SLC24A2: variants seen among roughly 807,000 people sequenced by gnomAD.
SLC24A2 encodes the protein sodium/potassium/calcium exchanger 2.
Under a neutral mutation model 62.0 loss-of-function variants are expected in SLC24A2, and 36 were observed. The ratio of observed to expected loss-of-function variants is 0.58; its 90% CI spans 0.44 to 0.77. The LOEUF is 0.77. Ranked by LOEUF, SLC24A2 falls within the 30% of genes least tolerant of loss-of-function variation. The probability of loss-of-function intolerance (pLI) is 0.00; values close to 1 mark genes in which losing one functional copy is unlikely to be tolerated. For synonymous variants in SLC24A2, 358 were observed against 294.0 expected (o/e 1.22, Z -2.23); for missense variants, 846 against 817.9 (o/e 1.03, Z -0.42).
At chr9:19,851,103 A>G in the SLC24A2 span, among the ~76,000 whole-genome samples, 1 of 142,016 alleles carries the variant, frequency 7.0e-6, no homozygotes, top group Admixed American at 7.1e-5. Context: ...GGCTCACCAC[A>G]ATCTCTATCT....
the SLC24A2 span, among the ~76,000 whole-genome samples, chr9:20,248,603 A>T: frequency 6.6e-6 from 1 of 152,232 alleles, no homozygotes; most frequent in East Asian, 1.9e-4. Context: ...TCATGACCTG[A>T]TTACCCACCA....
chr9:20,295,026 G>A, the SLC24A2 span, among the ~76,000 whole-genome samples: 2 of 142,906 alleles, frequency 1.4e-5, no homozygotes, highest in Non-Finnish European at 3.1e-5. Context: ...CTGTGCATAT[G>A]TGTATATATG....
the SLC24A2 span, among the ~76,000 whole-genome samples, chr9:20,120,025 C>T: frequency 0.11 from 16,594 of 152,136 alleles, 945 homozygotes; most frequent in Middle Eastern, 0.17. Flanking sequence ...ATCTGTTCCC[C>T]TGACTACTCC....
At chr9:19,625,257 G>A (rs182616951) in intron 2 of SLC24A2, among the ~76,000 whole-genome samples, 1 of 151,942 alleles carries the variant, frequency 6.6e-6, no homozygotes, top group Non-Finnish European at 1.5e-5. Context: ...CCCAATTCCT[G>A]GTAGTCAGCA....
At chr9:19,858,839 C>A in the SLC24A2 span, among the ~76,000 whole-genome samples, 1 of 152,100 alleles carries the variant, frequency 6.6e-6, no homozygotes, top group Non-Finnish European at 1.5e-5. Flanking sequence ...ATTAAAAAGT[C>A]AAAAAATAGC....
chr9:19,908,436 A>T, the SLC24A2 span, among the ~76,000 whole-genome samples: 2 of 152,158 alleles, frequency 1.3e-5, no homozygotes, highest in South Asian at 2.1e-4. Flanking sequence ...CAAGGACTTC[A>T]TGTCTAAAAC....
chr9:20,304,645 G>A, the SLC24A2 span, among the ~76,000 whole-genome samples: 1 of 152,114 alleles, frequency 6.6e-6, no homozygotes, highest in East Asian at 1.9e-4. Flanking sequence ...TATTCTTATA[G>A]GTAAATTACT....
chr9:20,178,642 G>A, the SLC24A2 span, among the ~76,000 whole-genome samples: 1 of 152,086 alleles, frequency 6.6e-6, no homozygotes, highest in Non-Finnish European at 1.5e-5. Context: ...TGATAAGGAG[G>A]AATAGACTTA....
chr9:19,869,630 C>T, the SLC24A2 span, among the ~76,000 whole-genome samples: 1 of 152,118 alleles, frequency 6.6e-6, no homozygotes, highest in South Asian at 2.1e-4. Context: ...TTATGATAAT[C>T]TATTTCAGAA....
chr9:19,690,804 C>A (rs762282102), intron 2 of SLC24A2, among the ~76,000 whole-genome samples: 3 of 151,948 alleles, frequency 2.0e-5, no homozygotes, highest in Non-Finnish European at 4.4e-5. Context: ...TAGATTACAC[C>A]TGATGCTGAA....
At chr9:19,687,661 T>G (rs1018830038) in intron 2 of SLC24A2, among the ~76,000 whole-genome samples, 2 of 152,122 alleles carry the variant, frequency 1.3e-5, no homozygotes, top group African/African-American at 4.8e-5. Context: ...GTTTTACCTT[T>G]ACACTTGACT....
chr9:19,684,684 G>T (rs75858818), intron 2 of SLC24A2, among the ~76,000 whole-genome samples: 2 of 149,708 alleles, frequency 1.3e-5, no homozygotes, highest in Admixed American at 6.8e-5. Flanking sequence ...AAGAAAGTAG[G>T]TATATAAGAA....
At chr9:20,226,702 C>A in the SLC24A2 span, among the ~76,000 whole-genome samples, 1 of 151,964 alleles carries the variant, frequency 6.6e-6, no homozygotes, top group Non-Finnish European at 1.5e-5. Context: ...ATATTCCTGT[C>A]TCGTCATCTA....
chr9:19,911,335 G>T, the SLC24A2 span, among the ~76,000 whole-genome samples: 4 of 151,976 alleles, frequency 2.6e-5, no homozygotes, highest in Non-Finnish European at 5.9e-5. Flanking sequence ...CATTTGGGTT[G>T]GTTCCAAGTC....
the SLC24A2 span, among the ~76,000 whole-genome samples, chr9:20,056,465 C>T: frequency 6.6e-6 from 1 of 152,156 alleles, no homozygotes; most frequent in African/African-American, 2.4e-5. Context: ...TGTGAATGAC[C>T]AACAAATGTT....
the SLC24A2 span, among the ~76,000 whole-genome samples, chr9:20,157,434 G>A: frequency 6.6e-6 from 1 of 151,702 alleles, no homozygotes; most frequent in Non-Finnish European, 1.5e-5. Context: ...ATGAAAAACA[G>A]GGGAATTGAA....
chr9:19,627,260 A>C (rs1818057398), intron 2 of SLC24A2, among the ~76,000 whole-genome samples: 4 of 152,210 alleles, frequency 2.6e-5, no homozygotes, highest in Admixed American at 2.6e-4. Flanking sequence ...GAAAGCTCAC[A>C]TTTTGGAAGC....
chr9:19,524,555 A>G (rs1417923250), intron 9 of SLC24A2, among the ~76,000 whole-genome samples: 2 of 152,224 alleles, frequency 1.3e-5, no homozygotes, highest in African/African-American at 2.4e-5. Context: ...GTTGAACACT[A>G]TATAACTGCT....
At chr9:19,778,825 A>C (rs561279668) in intron 2 of SLC24A2, among the ~76,000 whole-genome samples, 1 of 152,318 alleles carries the variant, frequency 6.6e-6, no homozygotes, top group African/African-American at 2.4e-5. Flanking sequence ...AAAACAACAA[A>C]ACTAGACCCA....
Sources: allele counts gnomAD v4.1 joint callset (sites outside exome capture counted in the v4.1 genomes callset), GRCh38; gene constraint gnomAD v4.1.1; transcripts MANE v1.5; gene names NCBI Gene and HGNC (gene_info 2026-07-23, HGNC 2026-07-21).